The following CYFIP1 variants were observed in gnomAD, a reference collection of about 807,000 sequenced individuals.
The protein encoded by CYFIP1 is cytoplasmic FMR1-interacting protein 1.
Under a neutral mutation model 163.5 loss-of-function variants are expected in CYFIP1, and 58 were observed. The observed-to-expected ratio is 0.35, with a 90% CI of 0.29 to 0.44. CYFIP1 has a LOEUF of 0.44. Ranked by LOEUF, CYFIP1 falls within the 20% of genes least tolerant of loss-of-function variation. The probability of loss-of-function intolerance (pLI) is 1.00; values close to 1 mark genes in which losing one functional copy is unlikely to be tolerated. For missense variants in CYFIP1, 1,338 were observed against 1,653.8 expected, an observed-to-expected ratio of 0.81 and a Z score of 3.31; for synonymous variants, 663 against 660.7, an observed-to-expected ratio of 1.00 and a Z score of -0.05.
At chr15:22,949,441 C>T (rs1447278406) in intron 1 of CYFIP1, among the ~76,000 whole-genome samples, 9 of 152,068 alleles carry the variant, frequency 5.9e-5, no homozygotes, top group Non-Finnish European at 1.3e-4. Context: ...GCCAGCGGTA[C>T]AGGCTGACAG....
intron 22 of CYFIP1, among the ~76,000 whole-genome samples, chr15:22,894,599 C>T (rs928954341): frequency 6.6e-6 from 1 of 151,536 alleles, no homozygotes; most frequent in African/African-American, 2.4e-5. Flanking sequence ...CTAGAGGAGG[C>T]TTTACTACTA....
In CYFIP1 at chr15:22,867,390, CA is replaced by C. The variant is rs978924981; in HGVS notation, c.*2637del. Reference sequence around the variant, plus strand: ...ATGAAGGAACCTCTTTCTTACAAAACAAAAAAAAGGGCAGAAATCACCCCAA... The same window carrying C: ...ATGAAGGAACCTCTTTCTTACAAAACAAAAAAAGGGCAGAAATCACCCCAA... On this transcript the variant is annotated 3_prime_UTR_variant, in exon 31 of 31. Coordinates refer to ENST00000617928, the MANE Select transcript of CYFIP1 (RefSeq NM_014608.6). 5.7e-5 allele frequency: 22 copies of C among 386,274 alleles called. No individual in the cohort carries two copies. The highest frequency in any genetic ancestry group is 1.5e-4 in the East Asian group (4 of 27,280). 23.9% of individuals were successfully genotyped at this position (386,274 alleles called of 1,614,324 possible).
chr15:22,963,421 T>C (rs2062756782), intron 1 of CYFIP1, among the ~76,000 whole-genome samples: 1 of 151,676 alleles, frequency 6.6e-6, no homozygotes, highest in African/African-American at 2.4e-5. Flanking sequence ...ATCCAGGAGG[T>C]GGAGGTTGCA....
intron 10 of CYFIP1, among the ~76,000 whole-genome samples, chr15:22,933,005 G>GT (rs1024093424): frequency 5.5e-4 from 83 of 150,758 alleles, no homozygotes; most frequent in African/African-American, 1.8e-3. Flanking sequence ...GCTAATTTTT[G>GT]TATTTTTTCA....
chr15:22,937,596 C>CTTTTTTTTT (rs919893437), intron 8 of CYFIP1, among the ~76,000 whole-genome samples: 7 of 143,746 alleles, frequency 4.9e-5, no homozygotes, highest in Non-Finnish European at 6.1e-5. Flanking sequence ...ACTAAAAATT[C>CTTTTTTTTT]TTTTTTTGTT....
chr15:22,978,325 CT>C (rs1278874056), intron 1 of CYFIP1, among the ~76,000 whole-genome samples: 1 of 118,294 alleles, frequency 8.5e-6, no homozygotes, highest in African/African-American at 3.3e-5. Context: ...GCACTCCAGT[CT>C]GGGCCACAGA....
At chr15:22,958,933 TAA>T (rs924029728) in intron 1 of CYFIP1, among the ~76,000 whole-genome samples, 6 of 152,154 alleles carry the variant, frequency 3.9e-5, no homozygotes, top group Non-Finnish European at 8.8e-5. Flanking sequence ...TTCCACAGAA[TAA>T]AGTCTCAATC....
rs1040047139 is a variant in CYFIP1 at position 22,868,293 on chromosome 15, T to G, written c.*1735A>C. ...TTATATACTGTACCTACATCTGTGC[T>G]TTGTACATAAAAGAACCAGTTTTCT... On this transcript the variant is annotated 3_prime_UTR_variant, in exon 31 of 31. Transcript: ENST00000617928. The G allele has an allele frequency of 6.6e-6, 1 of 152,246 alleles. No homozygotes were observed. The highest frequency in any genetic ancestry group is 2.4e-5 in the African/African-American group (1 of 41,456). 9.4% of individuals were successfully genotyped at this position (152,246 alleles called of 1,614,324 possible).
At position 22,870,050 on chromosome 15, in the gene CYFIP1, T is replaced by C; in HGVS notation, c.3740A>G (p.His1247Arg). 6.2e-7 allele frequency: 1 copy of C among 1,607,670 alleles called. No homozygotes were observed. Among genetic ancestry groups the C allele is most frequent in the South Asian group, 1.1e-5 (1 of 89,480 alleles). ...CCCTCAGCTGCTGGCGAGGGACTGG[T>C]GGATGGGCGGCTGGAAGCAGCGCAC... ...EHVRCFQPPI[H>R]QSLASS Residue 1247 changes from histidine to arginine, a missense_variant, in exon 31 of 31, where the codon CAC becomes CGC. Physicochemically the swap from His to Arg is conservative, Grantham distance 29 (BLOSUM62 0). This residue lies in a region of CYFIP1 where 306 missense variants were observed against 322.1 expected (regional missense o/e 0.95). Transcript: ENST00000617928.
intron 1 of CYFIP1, among the ~76,000 whole-genome samples, chr15:22,954,495 A>C (rs1013125505): frequency 1.7e-4 from 26 of 152,224 alleles, no homozygotes; most frequent in Non-Finnish European, 2.6e-4. Flanking sequence ...GCTGGGAACA[A>C]AACAAGCCAG....
At chr15:22,906,646 T>C (rs2060594751) in intron 21 of CYFIP1, among the ~76,000 whole-genome samples, 1 of 151,928 alleles carries the variant, frequency 6.6e-6, no homozygotes, top group South Asian at 2.1e-4. Flanking sequence ...TTTGTATTTT[T>C]AGTAGAGACG....
chr15:22,873,357 G>A, intron 29 of CYFIP1, 134 bp downstream of exon 29: 4 of 714,212 alleles, frequency 5.6e-6, no homozygotes, highest in South Asian at 5.5e-5. Context: ...ACTACAGGAG[G>A]CTTAAAAGCC....
chr15:22,918,400 C>T lies in CYFIP1; in HGVS notation c.1526+292G>A, dbSNP rs527259126. ...CCAACAGGGCTCCACCGTGCAGAGA[C>T]CCCCATAAGGCACCATGCATGAACC... On this transcript the variant is annotated intron_variant, in intron 14 of 30. Transcript: ENST00000617928. 9.5e-4 allele frequency among the ~76,000 whole-genome samples: 144 copies of T among 152,260 alleles called. 2 individuals are homozygous for T. The highest frequency in any genetic ancestry group is 3.2e-3 in the African/African-American group (135 of 41,552).
intron 28 of CYFIP1, 49 bp downstream of exon 28, chr15:22,874,501 G>T: frequency 6.9e-7 from 1 of 1,443,472 alleles, no homozygotes; most frequent in Non-Finnish European, 9.4e-7. Context: ...ACCTGGCCTG[G>T]CATGGATGCC....
chr15:22,969,631 A>G (rs1357928974), intron 1 of CYFIP1, among the ~76,000 whole-genome samples: 1 of 152,194 alleles, frequency 6.6e-6, no homozygotes, highest in Non-Finnish European at 1.5e-5. Context: ...AACAAATAAC[A>G]AAATGACAGA....
Position 22,868,604 on chromosome 15 carries a change from TAAAG to T in CYFIP1, c.*1420_*1423del, listed in dbSNP as rs1245331057. The T allele has an allele frequency of 1.4e-5, 2 of 145,150 alleles. No homozygotes were observed. The highest frequency in any genetic ancestry group is 3.0e-5 in the Non-Finnish European group (2 of 66,202). 9.0% of individuals were successfully genotyped at this position (145,150 alleles called of 1,614,324 possible). A position where few individuals can be genotyped will look rare whatever the true frequency, so the allele number is the denominator to read the frequency against. ...AAAAGCATTTTTAGGGAACTTTTTA[TAAAG>T]AAAGAATAATTGTTTGTTAGGCTTC... is the stretch of plus-strand genomic sequence containing the variant. On this transcript the variant is annotated 3_prime_UTR_variant, in exon 31 of 31. Transcript: ENST00000617928.
At chr15:22,931,124 C>T (rs912076061) in intron 11 of CYFIP1, among the ~76,000 whole-genome samples, 1 of 152,174 alleles carries the variant, frequency 6.6e-6, no homozygotes, top group Non-Finnish European at 1.5e-5. Flanking sequence ...GGGTGCTCAT[C>T]GTCCTGCAGT....
At chr15:22,956,445 G>A (rs756180945) in intron 1 of CYFIP1, among the ~76,000 whole-genome samples, 21 of 152,274 alleles carry the variant, frequency 1.4e-4, no homozygotes, top group South Asian at 2.1e-4. Context: ...CAGAGGTGGT[G>A]CCAAGAGATT....
intron 1 of CYFIP1, among the ~76,000 whole-genome samples, chr15:22,966,730 A>G (rs1236237014): frequency 7.2e-6 from 1 of 139,706 alleles, no homozygotes; most frequent in Admixed American, 7.0e-5. Context: ...GTCTGCACCC[A>G]TGACAGCCCA....
Sources: gnomAD v4.1 joint callset for allele counts (sites outside exome capture counted in the v4.1 genomes callset) on GRCh38, gnomAD v4.1.1 for gene constraint, gnomAD v4.1.1 regional missense constraint, MANE v1.5 for transcripts, NCBI Gene and HGNC (gene_info 2026-07-23, HGNC 2026-07-21) for gene names.